WASHC3: variants seen among roughly 807,000 people sequenced by gnomAD.
WASHC3 encodes the protein WASH complex subunit 3.
A neutral mutation model predicts 26.1 loss-of-function variants in WASHC3; 24 were observed. The ratio of observed to expected loss-of-function variants is 0.92; its 90% CI spans 0.66 to 1.29. The LOEUF is 1.29. Among genes scored for constraint, WASHC3 ranks in the 50% most tolerant of loss-of-function variants. The pLI, the probability that WASHC3 is intolerant of heterozygous loss-of-function variation, is 0.00. For synonymous variants in WASHC3, 77 were observed against 75.7 expected, an observed-to-expected ratio of 1.02 and a Z score of -0.09; for missense variants, 214 against 229.6, an observed-to-expected ratio of 0.93 and a Z score of 0.44.
chr12:102,030,726 G>A (rs985809943), intron 5 of WASHC3, among the ~76,000 whole-genome samples: 1 of 152,166 alleles, frequency 6.6e-6, no homozygotes, highest in African/African-American at 2.4e-5. Flanking sequence ...AGTGGTATCA[G>A]TGAAGAATAA....
chr12:102,023,389 T>TA (rs1033857946), intron 6 of WASHC3, among the ~76,000 whole-genome samples: 3 of 152,222 alleles, frequency 2.0e-5, no homozygotes, highest in African/African-American at 7.2e-5. Context: ...CTAAAGCTAA[T>TA]AAAAAATAAA....
chr12:102,029,648 T>C (rs1214499061), intron 5 of WASHC3, among the ~76,000 whole-genome samples: 1 of 152,200 alleles, frequency 6.6e-6, no homozygotes, highest in Non-Finnish European at 1.5e-5. Context: ...ATTGTCAATT[T>C]AAGAGAGATA....
chr12:102,023,464 A>G (rs1361964427), intron 6 of WASHC3, among the ~76,000 whole-genome samples: 2 of 152,182 alleles, frequency 1.3e-5, no homozygotes, highest in Non-Finnish European at 2.9e-5. Flanking sequence ...TTCTTGGCTG[A>G]GGCTTAAAAT....
chr12:102,060,797 T>C (rs1377292835), intron 2 of WASHC3, among the ~76,000 whole-genome samples: 2 of 151,382 alleles, frequency 1.3e-5, no homozygotes, highest in Non-Finnish European at 2.9e-5. Flanking sequence ...TTCTACTAAA[T>C]ATAAAAAATT....
chr12:102,027,973 C>T (rs1475752103), intron 5 of WASHC3, among the ~76,000 whole-genome samples: 1 of 151,618 alleles, frequency 6.6e-6, no homozygotes, highest in Non-Finnish European at 1.5e-5. Flanking sequence ...CCTCTGAAAG[C>T]AATATTGTTC....
intron 6 of WASHC3, among the ~76,000 whole-genome samples, chr12:102,024,857 C>G (rs1877108806): frequency 6.6e-6 from 1 of 152,124 alleles, no homozygotes; most frequent in Non-Finnish European, 1.5e-5. Flanking sequence ...ATACATATCA[C>G]AAGCCGTCTG....
chr12:102,022,097 C>T (rs1228707000), intron 6 of WASHC3, among the ~76,000 whole-genome samples: 1 of 152,180 alleles, frequency 6.6e-6, no homozygotes, highest in Admixed American at 6.5e-5. Context: ...AAGCTGCACA[C>T]TGCACCCTCC....
chr12:102,052,469 G>A (rs1878431101), intron 2 of WASHC3, among the ~76,000 whole-genome samples: 1 of 152,224 alleles, frequency 6.6e-6, no homozygotes, highest in Non-Finnish European at 1.5e-5. Context: ...GGGACCGTAG[G>A]TTCCAGACCA....
At chr12:102,020,676 T>G (rs1255985669) in intron 6 of WASHC3, among the ~76,000 whole-genome samples, 2 of 152,190 alleles carry the variant, frequency 1.3e-5, no homozygotes, top group Admixed American at 6.5e-5. Context: ...TAGGAGATGA[T>G]GAGGTAGTTA....
chr12:102,052,401 A>G (rs1002534633), intron 2 of WASHC3, among the ~76,000 whole-genome samples: 2 of 152,236 alleles, frequency 1.3e-5, no homozygotes, highest in Middle Eastern at 3.4e-3. Context: ...CGAAGCCTTT[A>G]GGCCCATCCT....
intron 2 of WASHC3, among the ~76,000 whole-genome samples, chr12:102,059,324 T>C (rs779328831): frequency 6.6e-6 from 1 of 152,174 alleles, no homozygotes; most frequent in Non-Finnish European, 1.5e-5. Flanking sequence ...TTTTTACCTG[T>C]CAATTTAAAT....
chr12:102,036,171 C>A (rs1333348308), intron 5 of WASHC3, among the ~76,000 whole-genome samples: 2 of 151,866 alleles, frequency 1.3e-5, no homozygotes, highest in African/African-American at 4.8e-5. Context: ...ACCAGCCTGG[C>A]CAACAGGGCG....
intron 3 of WASHC3, among the ~76,000 whole-genome samples, chr12:102,044,998 T>C (rs768661357): frequency 2.6e-5 from 4 of 152,184 alleles, no homozygotes; most frequent in Non-Finnish European, 5.9e-5. Flanking sequence ...CATATGGTCA[T>C]TTAATGTGCG....
At chr12:102,039,139 T>G (rs1877820188) in intron 5 of WASHC3, among the ~76,000 whole-genome samples, 3 of 147,354 alleles carry the variant, frequency 2.0e-5, no homozygotes, top group East Asian at 2.0e-4. Flanking sequence ...TTTTTTTTTT[T>G]TTTTTTTTTT....
At chr12:102,021,238 G>C (rs755011368) in intron 6 of WASHC3, among the ~76,000 whole-genome samples, 7 of 152,130 alleles carry the variant, frequency 4.6e-5, no homozygotes, top group Non-Finnish European at 8.8e-5. Context: ...GATCAATTTG[G>C]TCTTTTCTCT....
chr12:102,033,768 T>A (rs1446812528), intron 5 of WASHC3, among the ~76,000 whole-genome samples: 1 of 151,828 alleles, frequency 6.6e-6, no homozygotes, highest in African/African-American at 2.4e-5. Context: ...GACTATGTCA[T>A]CTTCCTTTGT....
chr12:102,050,642 CG>C, intron 2 of WASHC3: 3 of 436,870 alleles, frequency 6.9e-6, no homozygotes, highest in Non-Finnish European at 9.1e-6. Context: ...GACCCCGTCT[CG>C]GGGGGAAAAG....
At chr12:102,017,067 G>A (rs540983853) in intron 6 of WASHC3, among the ~76,000 whole-genome samples, 3 of 152,222 alleles carry the variant, frequency 2.0e-5, no homozygotes, top group African/African-American at 7.2e-5. Flanking sequence ...CTCCATTCAT[G>A]GTAACTGCCC....
chr12:102,057,684 A>G (rs1182951032), intron 2 of WASHC3, among the ~76,000 whole-genome samples: 1 of 152,076 alleles, frequency 6.6e-6, no homozygotes, highest in Non-Finnish European at 1.5e-5. Flanking sequence ...AAAAAAATAC[A>G]TAGGGGTAAA....
Sources: allele counts gnomAD v4.1 joint callset (sites outside exome capture counted in the v4.1 genomes callset), GRCh38; gene constraint gnomAD v4.1.1; transcripts MANE v1.5; gene names NCBI Gene and HGNC (gene_info 2026-07-23, HGNC 2026-07-21).